The following RAPGEF4 variants were observed in gnomAD, a reference collection of about 807,000 sequenced individuals.
The protein encoded by RAPGEF4 is RAP guanine-nucleotide-exchange factor (GEF) 4.
In RAPGEF4, 66 loss-of-function variants were observed where a neutral mutation model predicts 147.9. The ratio of observed to expected loss-of-function variants is 0.45; its 90% CI spans 0.37 to 0.55. RAPGEF4 has a LOEUF of 0.55. RAPGEF4 is among the 20% of genes least tolerant of loss of function. The pLI is 0.00. For missense variants in RAPGEF4, 1,071 were observed against 1,257.3 expected, an observed-to-expected ratio of 0.85 and a Z score of 2.24; for synonymous variants, 419 against 442.7, an observed-to-expected ratio of 0.95 and a Z score of 0.67.
chr2:172,878,358 G>A (rs1038919837), intron 4 of RAPGEF4, among the ~76,000 whole-genome samples: 1 of 152,106 alleles, frequency 6.6e-6, no homozygotes, highest in Non-Finnish European at 1.5e-5. Context: ...ATATTCTGAT[G>A]TCCATGTGAG....
At chr2:172,802,944 T>C (rs1279710964) in intron 3 of RAPGEF4, among the ~76,000 whole-genome samples, 2 of 152,218 alleles carry the variant, frequency 1.3e-5, no homozygotes, top group African/African-American at 4.8e-5. Context: ...ACTCTATGTC[T>C]CATATTCAGG....
intron 4 of RAPGEF4, among the ~76,000 whole-genome samples, chr2:172,894,601 G>C (rs909120997): frequency 1.3e-5 from 2 of 152,188 alleles, no homozygotes; most frequent in Non-Finnish European, 2.9e-5. Context: ...ACTCTGACCA[G>C]AGAAGTAGGA....
At chr2:172,975,812 TG>T (rs1291810159) in intron 10 of RAPGEF4, among the ~76,000 whole-genome samples, 3 of 152,258 alleles carry the variant, frequency 2.0e-5, no homozygotes, top group Non-Finnish European at 4.4e-5. Flanking sequence ...CAAATTTATT[TG>T]TTCTTCTCAA....
At chr2:173,005,098 A>T (rs185221768) in intron 17 of RAPGEF4, among the ~76,000 whole-genome samples, 4 of 139,968 alleles carry the variant, frequency 2.9e-5, no homozygotes, top group Non-Finnish European at 6.1e-5. Flanking sequence ...TTGGATATTT[A>T]GATTATTTCC....
At chr2:172,894,954 A>G (rs1698320987) in intron 4 of RAPGEF4, among the ~76,000 whole-genome samples, 2 of 152,014 alleles carry the variant, frequency 1.3e-5, no homozygotes, top group East Asian at 1.9e-4. Context: ...TTGTTGCCCA[A>G]TTGATACTAT....
intron 17 of RAPGEF4, among the ~76,000 whole-genome samples, chr2:173,013,227 G>A (rs1027831720): frequency 4.6e-5 from 7 of 152,292 alleles, no homozygotes; most frequent in East Asian, 1.9e-4. Flanking sequence ...AGTTTTCTAC[G>A]TCTTTCAAGG....
intron 4 of RAPGEF4, among the ~76,000 whole-genome samples, chr2:172,870,027 C>T (rs903289072): frequency 2.0e-5 from 3 of 152,076 alleles, no homozygotes; most frequent in East Asian, 3.9e-4. Flanking sequence ...AAACTGGTAA[C>T]CTGGGTGTGC....
intron 4 of RAPGEF4, among the ~76,000 whole-genome samples, chr2:172,900,278 C>T (rs1259909728): frequency 6.6e-6 from 1 of 152,214 alleles, no homozygotes; most frequent in East Asian, 1.9e-4. Context: ...CTTGCTCTGT[C>T]ACCCAGTGTG....
At position 172,735,995 on chromosome 2, in the gene RAPGEF4, G is replaced by GCACGCTGCC. The variant is rs1305043513; in HGVS notation, c.15_23dup (p.Ala6_His8dup). 1.3e-5 allele frequency: 19 copies of GCACGCTGCC among 1,476,792 alleles called. No homozygotes were observed. The Admixed American group carries it at 4.5e-4, about 35-fold the overall frequency. 91.5% of individuals were successfully genotyped at this position (1,476,792 alleles called of 1,614,324 possible). On this transcript the variant is annotated inframe_insertion, in exon 1 of 31. Coordinates refer to ENST00000397081, the MANE Select transcript of RAPGEF4 (RefSeq NM_007023.4). The stretch of plus-strand genomic sequence containing the variant: ...CGCCGCCGCTCAACATGGTCGCTGC[G>GCACGCTGCC]CACGCTGCCCATTCTTCCTCCTCTG...
At chr2:172,793,560 G>A (rs1317415312) in intron 1 of RAPGEF4, among the ~76,000 whole-genome samples, 1 of 152,122 alleles carries the variant, frequency 6.6e-6, no homozygotes, top group African/African-American at 2.4e-5. Context: ...CATCCAGTTC[G>A]TTTCCTCTGA....
intron 1 of RAPGEF4, among the ~76,000 whole-genome samples, chr2:172,746,148 T>G (rs1472205545): frequency 2.6e-5 from 4 of 152,258 alleles, no homozygotes; most frequent in Non-Finnish European, 4.4e-5. Context: ...ATACCTGGAA[T>G]CATTCTATTC....
intron 4 of RAPGEF4, among the ~76,000 whole-genome samples, chr2:172,826,750 T>C (rs1220107833): frequency 6.6e-6 from 1 of 152,118 alleles, no homozygotes; most frequent in Non-Finnish European, 1.5e-5. Flanking sequence ...GCAGATTTCT[T>C]GAGCCTAGGA....
intron 1 of RAPGEF4, among the ~76,000 whole-genome samples, chr2:172,778,930 T>C (rs111838498): frequency 1.4e-4 from 21 of 152,330 alleles, no homozygotes; most frequent in Non-Finnish European, 2.5e-4. Flanking sequence ...TTGAGAACAC[T>C]GGTATTCTGA....
intron 4 of RAPGEF4, among the ~76,000 whole-genome samples, chr2:172,834,270 C>T (rs925001108): frequency 6.6e-6 from 1 of 152,218 alleles, no homozygotes; most frequent in African/African-American, 2.4e-5. Flanking sequence ...TTTTGTGCCT[C>T]AATCTTATCA....
intron 4 of RAPGEF4, among the ~76,000 whole-genome samples, chr2:172,898,993 A>G (rs549296913): frequency 6.6e-6 from 1 of 152,320 alleles, no homozygotes; most frequent in Non-Finnish European, 1.5e-5. Context: ...GTATTCAATT[A>G]TGTTGCTTAA....
At chr2:172,744,380 C>T (rs1292686814) in intron 1 of RAPGEF4, 1 of 456,318 alleles carries the variant, frequency 2.2e-6, no homozygotes, top group African/African-American at 2.0e-5. Flanking sequence ...GTTTTCACAT[C>T]TTCAAATGAG....
intron 6 of RAPGEF4, among the ~76,000 whole-genome samples, chr2:172,939,740 T>G (rs1686961832): frequency 6.6e-6 from 1 of 152,200 alleles, no homozygotes; most frequent in South Asian, 2.1e-4. Context: ...TTCTAGAAAT[T>G]TTATAGTTTT....
chr2:172,813,203 A>G (rs1204631077), intron 3 of RAPGEF4, among the ~76,000 whole-genome samples: 2 of 152,194 alleles, frequency 1.3e-5, no homozygotes, highest in Admixed American at 6.5e-5. Context: ...CTATTATCGT[A>G]TATTAGATGC....
At chr2:172,871,850 G>A (rs920656840) in intron 4 of RAPGEF4, among the ~76,000 whole-genome samples, 1 of 152,002 alleles carries the variant, frequency 6.6e-6, no homozygotes, top group Admixed American at 6.6e-5. Flanking sequence ...GTTCTGGGTG[G>A]CAGTTGGTTA....
Sources: gnomAD v4.1 joint callset for allele counts (sites outside exome capture counted in the v4.1 genomes callset) on GRCh38, gnomAD v4.1.1 for gene constraint, MANE v1.5 for transcripts, NCBI Gene and HGNC (gene_info 2026-07-23, HGNC 2026-07-21) for gene names.